The following GRM8 variants were observed in gnomAD, a reference collection of about 807,000 sequenced individuals.
GRM8 encodes the protein metabotropic glutamate receptor 8.
A neutral mutation model predicts 87.2 loss-of-function variants in GRM8; 47 were observed. The observed-to-expected ratio is 0.54, with a 90% CI of 0.43 to 0.69. The LOEUF (loss-of-function observed/expected upper bound fraction) is 0.69. GRM8 is among the 30% of genes least tolerant of loss of function. The pLI, the probability that GRM8 is intolerant of heterozygous loss-of-function variation, is 0.00. For synonymous variants in GRM8, 396 were observed against 404.5 expected, an observed-to-expected ratio of 0.98 and a Z score of 0.25; for missense variants, 1,019 against 1,139.2, an observed-to-expected ratio of 0.89 and a Z score of 1.52.
intron 6 of GRM8, among the ~76,000 whole-genome samples, chr7:126,825,826 C>T (rs866802440): frequency 5.3e-5 from 8 of 151,902 alleles, no homozygotes; most frequent in South Asian, 2.1e-4. Context: ...CCCATTAACT[C>T]GTCATTTAGC....
intron 3 of GRM8, among the ~76,000 whole-genome samples, chr7:126,946,134 AG>A (rs1807509848): frequency 6.6e-6 from 1 of 152,214 alleles, no homozygotes; most frequent in Admixed American, 6.5e-5. Flanking sequence ...GCCAACTACA[AG>A]GTTAGGTCTC....
rs141015114 is a variant in GRM8, at chr7:126,634,409, A to G, written c.1358-24911T>C. ...CCTTATTTCCCCTTCTCATTCATCA[A>G]CTGAATGGGTTTCCTGACCCCACAG... On this transcript the variant is annotated intron_variant, in intron 7 of 10. Transcript: ENST00000339582. 5.2e-3 allele frequency among the ~76,000 whole-genome samples: 789 copies of G among 152,190 alleles called. 8 individuals carry two copies. Among genetic ancestry groups the G allele is most frequent in the African/African-American group, 0.018 (752 of 41,528 alleles).
intron 3 of GRM8, among the ~76,000 whole-genome samples, chr7:127,009,038 CTT>C (rs914666745): frequency 4.0e-5 from 6 of 151,788 alleles, no homozygotes; most frequent in African/African-American, 9.7e-5. Context: ...AGCCACATAA[CTT>C]TTCCTGTAGT....
chr7:126,781,826 C>T (rs1222617503), intron 6 of GRM8, among the ~76,000 whole-genome samples: 1 of 152,100 alleles, frequency 6.6e-6, no homozygotes, highest in Non-Finnish European at 1.5e-5. Context: ...GGACATCATC[C>T]TATTTCAGCC....
chr7:126,902,650 G>T lies in GRM8; in HGVS notation c.1048C>A (p.Leu350Ile). ...GFDRYFRSRT[L>I]ANNRRNVWFA... is the part of the protein sequence containing the mutation. ...CACACATTTCTTCGATTATTGGCAA[G>T]AGTTCGGCTTCTAAAGTATCGATCA... The change falls in exon 6 of 11, where the codon CTT becomes ATT. Residue 350 changes from leucine (L) to isoleucine (I), a missense_variant. By Grantham distance (5) the Leu-to-Ile change is conservative. Coordinates refer to ENST00000339582, the MANE Select transcript of GRM8 (RefSeq NM_000845.3). 1.2e-6 allele frequency: 2 copies of T among 1,607,898 alleles called. No homozygotes were observed. Among genetic ancestry groups the T allele is most frequent in the Non-Finnish European group, 1.7e-6 (2 of 1,176,940 alleles).
chr7:126,790,437 T>C (rs545104686), intron 6 of GRM8, among the ~76,000 whole-genome samples: 2 of 152,194 alleles, frequency 1.3e-5, no homozygotes, highest in Non-Finnish European at 2.9e-5. Flanking sequence ...CCCAAGAAGT[T>C]TACCTTCATG....
At position 126,697,859 on chromosome 7, in the gene GRM8, A is replaced by G. The variant is rs1237238139; in HGVS notation, c.1357+72006T>C. On this transcript the variant is annotated intron_variant, in intron 7 of 10. Coordinates refer to ENST00000339582, the MANE Select transcript of GRM8 (RefSeq NM_000845.3). ...TCTCTTCAACCTTCAGGTGGAAATT[A>G]TACTCAAGGCTGCAATGGCTGGAAC... Among the ~76,000 whole-genome samples, 4 of 152,158 alleles carry G rather than the reference A, an allele frequency of 2.6e-5. No homozygotes were observed. The South Asian group carries it at 6.2e-4, about 24-fold the overall frequency.
At chr7:126,512,725 A>T (rs1811576110) in intron 9 of GRM8, 1 of 152,144 alleles carries the variant, frequency 6.6e-6, no homozygotes, top group Non-Finnish European at 1.5e-5. Flanking sequence ...CAAACCATGC[A>T]TATAAGGTTG....
At chr7:127,068,273 A>T in intron 3 of GRM8, among the ~76,000 whole-genome samples, 1 of 152,182 alleles carries the variant, frequency 6.6e-6, no homozygotes, top group East Asian at 1.9e-4. Flanking sequence ...TCCAAATTCA[A>T]TTTATTAACT....
At chr7:126,714,989 G>A (rs1030747252) in intron 7 of GRM8, among the ~76,000 whole-genome samples, 1 of 152,114 alleles carries the variant, frequency 6.6e-6, no homozygotes, top group Non-Finnish European at 1.5e-5. Context: ...ACTTCTATCT[G>A]AAATGGTAGG....
At chr7:126,520,655 G>T (rs1162869148) in intron 9 of GRM8, among the ~76,000 whole-genome samples, 1 of 152,024 alleles carries the variant, frequency 6.6e-6, no homozygotes, top group Non-Finnish European at 1.5e-5. Context: ...CAGGGGAGGG[G>T]AAGATATAAA....
chr7:126,606,302 C>A (rs1010705208), intron 8 of GRM8, among the ~76,000 whole-genome samples: 3 of 152,050 alleles, frequency 2.0e-5, no homozygotes, highest in Non-Finnish European at 2.9e-5. Context: ...GTCTCACTGA[C>A]CACATAGAAT....
chr7:126,592,740 A>T (rs1471037451), intron 8 of GRM8, among the ~76,000 whole-genome samples: 1 of 151,914 alleles, frequency 6.6e-6, no homozygotes, highest in Non-Finnish European at 1.5e-5. Context: ...TCTAAGATCT[A>T]GAAGAAGACA....
chr7:126,552,290 G>A (rs532426411), intron 8 of GRM8, among the ~76,000 whole-genome samples: 34 of 152,030 alleles, frequency 2.2e-4, no homozygotes, highest in Admixed American at 1.5e-3. Context: ...CTTTAAGTCA[G>A]GAACCATGCC....
intron 7 of GRM8, among the ~76,000 whole-genome samples, chr7:126,757,843 A>G (rs1817185307): frequency 6.6e-6 from 1 of 152,098 alleles, no homozygotes; most frequent in Non-Finnish European, 1.5e-5. Context: ...AACAACCTCC[A>G]CCTTCTTATC....
At chr7:126,624,173 T>C (rs192081620) in intron 7 of GRM8, among the ~76,000 whole-genome samples, 2 of 152,318 alleles carry the variant, frequency 1.3e-5, no homozygotes, top group South Asian at 2.1e-4. Context: ...AATATCCCTC[T>C]TCTTGATATC....
intron 3 of GRM8, among the ~76,000 whole-genome samples, chr7:127,079,113 T>G (rs1054866378): frequency 6.8e-6 from 1 of 147,248 alleles, no homozygotes; most frequent in Non-Finnish European, 1.5e-5. Flanking sequence ...GGGCTTTGTG[T>G]TTCTTTTTTC....
chr7:126,985,702 C>A (rs1020804196), intron 3 of GRM8, among the ~76,000 whole-genome samples: 1 of 152,150 alleles, frequency 6.6e-6, no homozygotes. Context: ...CATGCTTACT[C>A]AGGTCTCTCT....
intron 3 of GRM8, among the ~76,000 whole-genome samples, chr7:127,036,765 T>C (rs773188797): frequency 6.6e-6 from 1 of 152,172 alleles, no homozygotes; most frequent in Non-Finnish European, 1.5e-5. Context: ...GAGAGCCCTG[T>C]CTGGTTTTAG....
Sources: gnomAD v4.1 joint callset for allele counts (sites outside exome capture counted in the v4.1 genomes callset) on GRCh38, gnomAD v4.1.1 for gene constraint, MANE v1.5 for transcripts, NCBI Gene and HGNC (gene_info 2026-07-23, HGNC 2026-07-21) for gene names.